The following KPNA1 variants were observed in gnomAD, a reference collection of about 807,000 sequenced individuals.
KPNA1 encodes karyopherin subunit alpha 1.
A neutral mutation model predicts 70.5 loss-of-function variants in KPNA1; 10 were observed. The ratio of observed to expected loss-of-function variants is 0.14; its 90% CI spans 0.09 to 0.24. The LOEUF is 0.24. Among genes scored for constraint, KPNA1 ranks in the 10% least tolerant of loss-of-function variants. KPNA1 has a pLI of 1.00. For missense variants in KPNA1, 397 were observed against 637.9 expected (o/e 0.62, Z 4.07); for synonymous variants, 192 against 221.9 (o/e 0.87, Z 1.20).
chr3:122,476,187 G>C (rs2076495853), intron 2 of KPNA1, among the ~76,000 whole-genome samples: 1 of 152,014 alleles, frequency 6.6e-6, no homozygotes, highest in Admixed American at 6.6e-5. Flanking sequence ...CACACAATAG[G>C]GGAAGAACAG....
At chr3:122,478,766 G>A (rs2107477084) in intron 2 of KPNA1, among the ~76,000 whole-genome samples, 1 of 148,912 alleles carries the variant, frequency 6.7e-6, no homozygotes, top group East Asian at 1.9e-4. Context: ...ATGATAGAAG[G>A]CACTTGTAAT....
At chr3:122,433,839 TATTC>T (rs2075948176) in intron 11 of KPNA1, 51 bp from the exon 12 acceptor site, 1 of 1,364,992 alleles carries the variant, frequency 7.3e-7, no homozygotes, top group African/African-American at 1.5e-5. Context: ...TTTATAAAAA[TATTC>T]ATGATACTAA....
intron 1 of KPNA1, among the ~76,000 whole-genome samples, chr3:122,501,101 T>C (rs2076824490): frequency 6.7e-6 from 1 of 150,002 alleles, no homozygotes; most frequent in Non-Finnish European, 1.5e-5. Context: ...TGATCTCGGC[T>C]CACTGCAATC....
rs9289194 is a variant in KPNA1 at position 122,496,319 on chromosome 3, A to AACACAC, written c.129+112_129+117dup. On this transcript the variant is annotated intron_variant, in intron 2 of 13. Transcript: ENST00000344337. The stretch of plus-strand genomic sequence containing the variant: ...TTGATTTTACAGGGGAGAAGGGGAA[A>AACACAC]ACACACACACACACACACACACACA... 1,669 of 439,934 alleles carry AACACAC rather than the reference A, an allele frequency of 3.8e-3. 6 individuals are homozygous for AACACAC. The highest frequency in any genetic ancestry group is 7.8e-3 in the African/African-American group (374 of 48,228). The allele number at this position is 439,934 out of a possible 1,614,324, so 27.3% of individuals were successfully genotyped here.
At chr3:122,434,128 G>C (rs2075953373) in intron 11 of KPNA1, among the ~76,000 whole-genome samples, 1 of 151,992 alleles carries the variant, frequency 6.6e-6, no homozygotes, top group Non-Finnish European at 1.5e-5. Context: ...GTAGAGACAG[G>C]GCTTCACCAT....
At chr3:122,495,248 T>C (rs6808724) in intron 2 of KPNA1, among the ~76,000 whole-genome samples, 28,391 of 112,160 alleles carry the variant, frequency 0.25, 3,310 homozygotes, top group East Asian at 0.32. Flanking sequence ...AGCGAGACTC[T>C]GCCTCAAACA....
rs1041574035 is a variant in KPNA1, at chr3:122,501,452, T to C, written c.-5-4882A>G. 2.0e-5 allele frequency among the ~76,000 whole-genome samples: 3 copies of C among 152,238 alleles called. No individual in the cohort carries two copies. In the East Asian group the frequency reaches 5.8e-4, roughly 29 times the overall value. On this transcript the variant is annotated intron_variant, in intron 1 of 13. Coordinates refer to ENST00000344337, the MANE Select transcript of KPNA1 (RefSeq NM_002264.4). ...ATCCCAAAGTGTTTTCTGATTTCCT[T>C]TTTGATTTCTTCATGGACCCATCAG...
In KPNA1 at chr3:122,453,744, C is replaced by T. The variant is rs562807142; in HGVS notation, c.564+126G>A. The T allele has an allele frequency of 1.3e-5, 10 of 769,270 alleles. No homozygotes were observed. The African/African-American group carries it at 1.6e-4, about 12-fold the overall frequency. The allele number at this position is 769,270 out of a possible 1,614,324, so 47.7% of individuals were successfully genotyped here. A position where few individuals can be genotyped will look rare whatever the true frequency, so the allele number is the denominator to read the frequency against. Reference sequence around the variant, plus strand: ...TAGAGACGGGATTTCACCATGTTGGCTAGGCTGGTCTCGAACTCCTCGTGA... The same window carrying T: ...TAGAGACGGGATTTCACCATGTTGGTTAGGCTGGTCTCGAACTCCTCGTGA... On this transcript the variant is annotated intron_variant, in intron 6 of 13. Coordinates refer to ENST00000344337, the MANE Select transcript of KPNA1 (RefSeq NM_002264.4).
intron 11 of KPNA1, among the ~76,000 whole-genome samples, chr3:122,436,684 C>T (rs1319636905): frequency 6.6e-6 from 1 of 152,172 alleles, no homozygotes; most frequent in Non-Finnish European, 1.5e-5. Flanking sequence ...TTTCAAAAGA[C>T]TTAACATCTA....
chr3:122,452,019 T>A lies in KPNA1; in HGVS notation c.610A>T (p.Arg204Trp). 1 of 1,611,752 alleles carries A rather than the reference T, an allele frequency of 6.2e-7. No individual in the cohort carries two copies. Among genetic ancestry groups the A allele is most frequent in the Non-Finnish European group, 8.5e-7 (1 of 1,178,738 alleles). The change falls in exon 7 of 14, where the codon AGG becomes TGG. Residue 204 changes from arginine (R) to tryptophan (W), a missense_variant. Coordinates refer to ENST00000344337, the MANE Select transcript of KPNA1 (RefSeq NM_002264.4). ...ATATTGCAGTCTAAGACATAGTCCC[T>A]GCACATGGTACTATCTCCAGCAATG... is the stretch of plus-strand genomic sequence containing the variant. ...GNIAGDSTMCRDYVLDCNILP... is the reference protein window; with the variant it reads ...GNIAGDSTMCWDYVLDCNILP...
Position 122,423,793 on chromosome 3 carries a change from A to T in KPNA1, c.*3192T>A, listed in dbSNP as rs2075786425. 6.6e-6 allele frequency: 1 copy of T among 152,628 alleles called. No individual in the cohort carries two copies. The highest frequency in any genetic ancestry group is 2.4e-5 in the African/African-American group (1 of 41,452). The allele number at this position is 152,628 out of a possible 1,614,324, so 9.5% of individuals were successfully genotyped here. A position where few individuals can be genotyped will look rare whatever the true frequency, so the allele number is the denominator to read the frequency against. On this transcript the variant is annotated 3_prime_UTR_variant, in exon 14 of 14. Transcript: ENST00000344337. ...ATAATTCAGATTTTTTATGAGATTA[A>T]TTGCCAATCTTTTTATCTGTGACGA...
chr3:122,429,944 T>TTTCA (rs757910099), intron 12 of KPNA1, among the ~76,000 whole-genome samples: 14 of 152,058 alleles, frequency 9.2e-5, no homozygotes, highest in South Asian at 2.1e-4. Context: ...TAATTATTTT[T>TTTCA]TTCATTCATT....
intron 11 of KPNA1, among the ~76,000 whole-genome samples, chr3:122,434,076 A>G (rs1484336059): frequency 6.6e-6 from 1 of 152,070 alleles, no homozygotes; most frequent in Non-Finnish European, 1.5e-5. Flanking sequence ...AGCTGGGACT[A>G]CAGGTGCACA....
intron 1 of KPNA1, among the ~76,000 whole-genome samples, chr3:122,501,920 T>C (rs1027406005): frequency 6.6e-6 from 1 of 152,212 alleles, no homozygotes; most frequent in Admixed American, 6.5e-5. Flanking sequence ...AGGCTTTCCA[T>C]GGTTGTTTTT....
intron 10 of KPNA1, among the ~76,000 whole-genome samples, chr3:122,438,980 T>C (rs2076026954): frequency 6.6e-6 from 1 of 152,146 alleles, no homozygotes; most frequent in Non-Finnish European, 1.5e-5. Flanking sequence ...TTGCTATGTG[T>C]AAACTGAAAA....
chr3:122,435,799 T>A lies in KPNA1; in HGVS notation c.1122+1371A>T, dbSNP rs2075977426. Among the ~76,000 whole-genome samples, 4 of 152,224 alleles carry A rather than the reference T, an allele frequency of 2.6e-5. No homozygotes were observed. In the South Asian group the frequency reaches 8.3e-4, roughly 32 times the overall value. On this transcript the variant is annotated intron_variant, in intron 11 of 13. Transcript: ENST00000344337. ...TATGCCTATCTTTACTTTAATCTCT[T>A]AATCCCGTCATCTTCATTAAGCTGA...
chr3:122,443,270 G>T (rs1260784897), intron 9 of KPNA1: 1 of 152,560 alleles, frequency 6.6e-6, no homozygotes, highest in African/African-American at 2.4e-5. Context: ...TGCCATTGCT[G>T]GGGCTTGAGT....
chr3:122,492,221 T>G (rs2076708687), intron 2 of KPNA1, among the ~76,000 whole-genome samples: 1 of 152,148 alleles, frequency 6.6e-6, no homozygotes, highest in African/African-American at 2.4e-5. Flanking sequence ...AACACAAGAT[T>G]TGTGTCACAG....
At chr3:122,457,928 T>A in intron 5 of KPNA1, 2 of 1,187,170 alleles carry the variant, frequency 1.7e-6, no homozygotes, top group Non-Finnish European at 2.2e-6. Flanking sequence ...AGTGCCTGAG[T>A]CATCTGAGCA....
Sources: gnomAD v4.1 joint callset for allele counts (sites outside exome capture counted in the v4.1 genomes callset) on GRCh38, gnomAD v4.1.1 for gene constraint, MANE v1.5 for transcripts, NCBI Gene and HGNC (gene_info 2026-07-23, HGNC 2026-07-21) for gene names.